The following ZBTB18 variants were observed in gnomAD, a reference collection of about 807,000 sequenced individuals.
ZBTB18 encodes zinc finger and BTB domain-containing protein 18.
A neutral mutation model predicts 37.7 loss-of-function variants in ZBTB18; 2 were observed. That is an observed-to-expected ratio of 0.05 (90% CI 0.02 to 0.17). The LOEUF is 0.17. Among genes scored for constraint, ZBTB18 ranks in the 10% least tolerant of loss-of-function variants. The probability of loss-of-function intolerance (pLI) is 1.00; values close to 1 mark genes in which losing one functional copy is unlikely to be tolerated. For synonymous variants in ZBTB18, 304 were observed against 276.5 expected, an observed-to-expected ratio of 1.10 and a Z score of -0.99; for missense variants, 408 against 686.3, an observed-to-expected ratio of 0.59 and a Z score of 4.53.
chr1:244,049,462 C>A (rs1442109592), upstream of ZBTB18, among the ~76,000 whole-genome samples: 16 of 82,722 alleles, frequency 1.9e-4, no homozygotes, highest in African/African-American at 7.1e-4. Flanking sequence ...GGGAGGGGGC[C>A]GGCGGGGGAG....
chr1:244,051,965 C>G (rs1034005199), intron 1 of ZBTB18, among the ~76,000 whole-genome samples: 4 of 152,008 alleles, frequency 2.6e-5, no homozygotes, highest in African/African-American at 9.7e-5. Context: ...GAAAAAAAAA[C>G]CAAACTTTTG....
rs765318119 is a variant in ZBTB18 at position 244,054,533 on chromosome 1, C to G, written c.759C>G (p.Val253=). 2 of 1,614,118 alleles carry G rather than the reference C, an allele frequency of 1.2e-6. No homozygotes were observed. The highest frequency in any genetic ancestry group is 8.5e-7 in the Non-Finnish European group (1 of 1,180,038). ...TTGACTGTGTGCTGGACCTGTCTGT[C>G]AAGTCCAGCCTTTCAGGAGTTGAAA... ...ADVDCVLDLS[V]KSSLSGVENL... The change falls in exon 2 of 2, where the codon GTC becomes GTG. Residue 253 remains valine, a synonymous_variant. Coordinates refer to ENST00000358704, the MANE Select transcript of ZBTB18 (RefSeq NM_205768.3). The surrounding 1 kb of genome is among the most constrained non-coding windows in gnomAD (Gnocchi z 9.0).
At chr1:244,052,512 C>T (rs765177815) in intron 1 of ZBTB18, among the ~76,000 whole-genome samples, 107 of 152,170 alleles carry the variant, frequency 7.0e-4, no homozygotes, top group Non-Finnish European at 1.4e-3. Context: ...TCCCAAAATG[C>T]ACTTGCTGAG....
rs756449522 is a variant in ZBTB18, at chr1:244,054,974, G to C, written c.1200G>C (p.Thr400=). ...SPHILQIHLS[T]HFREQDGIRS... is the part of the protein sequence containing the mutation. ...ACATCCTGCAGATCCACCTGAGCAC[G>C]CACTTCCGCGAGCAGGACGGCATCC... The change falls in exon 2 of 2, where the codon ACG becomes ACC. Residue 400 remains threonine, a synonymous_variant. Coordinates refer to ENST00000358704, the MANE Select transcript of ZBTB18 (RefSeq NM_205768.3). This position sits in a 1 kb window ranked among gnomAD's most constrained non-coding sequence, Gnocchi z 9.0. The C allele has an allele frequency of 6.2e-7, 1 of 1,614,066 alleles. No homozygotes were observed. Among genetic ancestry groups the C allele is most frequent in the Non-Finnish European group, 8.5e-7 (1 of 1,180,004 alleles).
Position 244,055,416 on chromosome 1 carries a change from A to G in ZBTB18, c.*46A>G, listed in dbSNP as rs953850286. On this transcript the variant is annotated 3_prime_UTR_variant, in exon 2 of 2. Transcript: ENST00000358704. This position sits in a 1 kb window ranked among gnomAD's most constrained non-coding sequence, Gnocchi z 7.0. The stretch of plus-strand genomic sequence containing the variant: ...TATATATATATATACATATATATAA[A>G]TAGATCTCTATATAGTTGTGGTACG... 5 of 628,942 alleles carry G rather than the reference A, an allele frequency of 7.9e-6. No homozygotes were observed. Among genetic ancestry groups the G allele is most frequent in the Non-Finnish European group, 1.1e-5 (5 of 455,272 alleles). The allele number at this position is 628,942 out of a possible 1,614,324, so 39.0% of individuals were successfully genotyped here.
At chr1:244,049,319 G>C (rs1698302014), upstream of ZBTB18, among the ~76,000 whole-genome samples, 1 of 147,690 alleles carries the variant, frequency 6.8e-6, no homozygotes, top group South Asian at 2.1e-4. Flanking sequence ...CTCCCGGCCG[G>C]TGCAGCTGCG....
upstream of ZBTB18, among the ~76,000 whole-genome samples, chr1:244,049,937 A>G (rs1332355234): frequency 6.6e-6 from 1 of 152,166 alleles, no homozygotes. Flanking sequence ...TGGGGTGATT[A>G]ATGTCTGATA....
At chr1:244,049,832 C>T (rs1698313703), upstream of ZBTB18, among the ~76,000 whole-genome samples, 1 of 151,728 alleles carries the variant, frequency 6.6e-6, no homozygotes, top group South Asian at 2.1e-4. Context: ...GGTAGCGAGA[C>T]GTGAAGGGGT....
rs1164005723 is a variant in ZBTB18, at chr1:244,057,382, G to A, written c.*2012G>A. 3 of 166,664 alleles carry A rather than the reference G, an allele frequency of 1.8e-5. No homozygotes were observed. Among genetic ancestry groups the A allele is most frequent in the Non-Finnish European group, 4.4e-5 (3 of 68,092 alleles). 10.3% of individuals were successfully genotyped at this position (166,664 alleles called of 1,614,324 possible). A position where few individuals can be genotyped will look rare whatever the true frequency, so the allele number is the denominator to read the frequency against. The stretch of plus-strand genomic sequence containing the variant: ...ATAGTATGTTTTATTTTCCTGAGGG[G>A]GAATAACTTATAATGCTGTTTAGTT... On this transcript the variant is annotated 3_prime_UTR_variant, in exon 2 of 2. Transcript: ENST00000358704.
upstream of ZBTB18, among the ~76,000 whole-genome samples, chr1:244,050,005 G>C (rs1362244329): frequency 6.6e-6 from 1 of 152,220 alleles, no homozygotes; most frequent in Non-Finnish European, 1.5e-5. Context: ...GGAAGAAATT[G>C]ATCTCCCGAG....
chr1:244,049,621 C>T (rs1456722622), upstream of ZBTB18, among the ~76,000 whole-genome samples: 2 of 152,190 alleles, frequency 1.3e-5, no homozygotes, highest in African/African-American at 4.8e-5. Context: ...CTGTTTTCTC[C>T]TCTGTTGTTT....
Position 244,053,982 on chromosome 1 carries a change from G to A in ZBTB18, c.208G>A (p.Asp70Asn), listed in dbSNP as rs373838988. ...LFYKDQLDKR[D>N]IVHLNSDIVT... ...TTACAAGGACCAGCTGGACAAAAGA[G>A]ACATTGTTCATCTGAACAGCGACAT... The change falls in exon 2 of 2, where the codon GAC (aspartate) becomes AAC (asparagine). Residue 70 changes from aspartate to asparagine, a missense_variant. Around this residue, in one of 4 missense-constraint regions of ZBTB18, gnomAD observed 95 missense variants for 218.7 expected, o/e 0.43. Transcript: ENST00000358704. The surrounding 1 kb of genome is among the most constrained non-coding windows in gnomAD (Gnocchi z 5.2). 1.2e-6 allele frequency: 2 copies of A among 1,613,990 alleles called. No individual in the cohort carries two copies. Among genetic ancestry groups the A allele is most frequent in the Non-Finnish European group, 1.7e-6 (2 of 1,180,036 alleles).
rs910595581 is a variant in ZBTB18 at position 244,056,527 on chromosome 1, T to C, written c.*1157T>C. 5 of 167,144 alleles carry C rather than the reference T, an allele frequency of 3.0e-5. No homozygotes were observed. The highest frequency in any genetic ancestry group is 9.6e-5 in the African/African-American group (4 of 41,464). The allele number at this position is 167,144 out of a possible 1,614,324, so 10.4% of individuals were successfully genotyped here. ...CCCATGCCAGCTCAGAGTTTAGGTG[T>C]ACACATTTACCCAGTTGAGCGTTCT... On this transcript the variant is annotated 3_prime_UTR_variant, in exon 2 of 2. Transcript: ENST00000358704.
In ZBTB18 at chr1:244,055,150, C is replaced by T; in HGVS notation, c.1376C>T (p.Ser459Leu). The T allele has an allele frequency of 1.2e-6, 2 of 1,614,112 alleles. No individual in the cohort carries two copies. The highest frequency in any genetic ancestry group is 8.5e-7 in the Non-Finnish European group (1 of 1,180,048). ...CAGTGCGGCAAGAGCTTCCAGTACT[C>T]GCACAACCTGAGCCGCCATGCCGTG... ...CTQCGKSFQY[S>L]HNLSRHAVVH... The change falls in exon 2 of 2, where the codon TCG becomes TTG. Residue 459 changes from serine (S) to leucine (L), a missense_variant. Coordinates refer to ENST00000358704, the MANE Select transcript of ZBTB18 (RefSeq NM_205768.3). The surrounding 1 kb of genome is among the most constrained non-coding windows in gnomAD (Gnocchi z 7.0).
chr1:244,052,987 A>G (rs1189618863), intron 1 of ZBTB18, among the ~76,000 whole-genome samples: 1 of 152,206 alleles, frequency 6.6e-6, no homozygotes, highest in Non-Finnish European at 1.5e-5. Flanking sequence ...GGTTCCTAAT[A>G]TTCTGAAAGT....
chr1:244,053,576 G>T lies in ZBTB18; in HGVS notation c.14-212G>T. On this transcript the variant is annotated intron_variant, in intron 1 of 1. Coordinates refer to ENST00000358704, the MANE Select transcript of ZBTB18 (RefSeq NM_205768.3). This position sits in a 1 kb window ranked among gnomAD's most constrained non-coding sequence, Gnocchi z 5.2. ...GATGGAGATGCGTCGGAAGCTCTTTGGCGGGGGTGAGGAAGTTCAGAAAGT... is the reference window on the plus strand; with the variant it reads ...GATGGAGATGCGTCGGAAGCTCTTTTGCGGGGGTGAGGAAGTTCAGAAAGT... 1.1e-5 allele frequency: 3 copies of T among 267,438 alleles called. No individual in the cohort carries two copies. The highest frequency in any genetic ancestry group is 1.7e-5 in the Non-Finnish European group (3 of 173,546). The allele number at this position is 267,438 out of a possible 1,614,324, so 16.6% of individuals were successfully genotyped here.
chr1:244,051,619 A>C, intron 1 of ZBTB18, 175 bp downstream of exon 1: 1 of 258,150 alleles, frequency 3.9e-6, no homozygotes, highest in Non-Finnish European at 6.1e-6. Flanking sequence ...TTAATTTTTT[A>C]TCCCTTTTAC....
chr1:244,048,815 G>A (rs1032339093), upstream of ZBTB18: 1 of 149,812 alleles, frequency 6.7e-6, no homozygotes, highest in Non-Finnish European at 1.5e-5. Flanking sequence ...CGGGAGGGAG[G>A]GGCGGGGGGG....
At position 244,055,930 on chromosome 1, in the gene ZBTB18, C is replaced by T. The variant is rs1698458646; in HGVS notation, c.*560C>T. The T allele has an allele frequency of 1.2e-5, 2 of 167,014 alleles. No individual in the cohort carries two copies. The allele number at this position is 167,014 out of a possible 1,614,324, so 10.3% of individuals were successfully genotyped here. A position where few individuals can be genotyped will look rare whatever the true frequency, so the allele number is the denominator to read the frequency against. On this transcript the variant is annotated 3_prime_UTR_variant, in exon 2 of 2. Coordinates refer to ENST00000358704, the MANE Select transcript of ZBTB18 (RefSeq NM_205768.3). The surrounding 1 kb of genome is among the most constrained non-coding windows in gnomAD (Gnocchi z 7.0). ...GGCAACTTCTGGTTTTCTGACAGTT[C>T]CCAGTGAGAGAAATGCTGAAAGTAC...
Sources: allele counts gnomAD v4.1 joint callset (sites outside exome capture counted in the v4.1 genomes callset), GRCh38; gene constraint gnomAD v4.1.1; regional missense constraint gnomAD v4.1.1; non-coding constraint Gnocchi (gnomAD v3.1); transcripts MANE v1.5; gene names NCBI Gene and HGNC (gene_info 2026-07-23, HGNC 2026-07-21).